Variants in NR2C2 observed in about 807,000 individuals in gnomAD.
NR2C2 encodes Nuclear hormone receptor TR4.
NR2C2 carries 6 observed loss-of-function variants against 62.9 expected under a neutral mutation model. The ratio of observed to expected loss-of-function variants is 0.10; its 90% CI spans 0.05 to 0.19. The LOEUF (loss-of-function observed/expected upper bound fraction) is 0.19, where lower values mean the gene tolerates loss of function less well. NR2C2 is among the 10% of genes least tolerant of loss of function. The pLI, the probability that NR2C2 is intolerant of heterozygous loss-of-function variation, is 1.00. For missense variants in NR2C2, 479 were observed against 762.7 expected, an observed-to-expected ratio of 0.63 and a Z score of 4.38; for synonymous variants, 272 against 273.8, an observed-to-expected ratio of 0.99 and a Z score of 0.07.
At chr3:15,028,439 C>T in intron 7 of NR2C2, 147 bp from the exon 8 acceptor site, 1 of 654,116 alleles carries the variant, frequency 1.5e-6, no homozygotes, top group Non-Finnish European at 2.6e-6. Context: ...TGTTAAATCA[C>T]TAAAAAGATC....
At chr3:15,030,567 C>T in intron 9 of NR2C2, 115 bp downstream of exon 9, 1 of 1,097,122 alleles carries the variant, frequency 9.1e-7, no homozygotes, top group South Asian at 1.9e-5. Context: ...GTGGCTCATG[C>T]CTGTAATCTT....
intron 2 of NR2C2, among the ~76,000 whole-genome samples, chr3:15,010,600 T>C (rs1427517521): frequency 6.6e-6 from 1 of 151,624 alleles, no homozygotes; most frequent in East Asian, 1.9e-4. Context: ...TAGTCCCAGC[T>C]ACTCTGGAGG....
rs1236561255 is a variant in NR2C2 at position 14,947,787 on chromosome 3, GGCTCCCGC to G, written c.-158_-151del. 2 of 148,670 alleles carry G rather than the reference GGCTCCCGC, an allele frequency of 1.3e-5. No individual in the cohort carries two copies. Among genetic ancestry groups the G allele is most frequent in the African/African-American group, 4.9e-5 (2 of 40,730 alleles). 9.2% of individuals were successfully genotyped at this position (148,670 alleles called of 1,614,324 possible). ...CTGCCCCGCGAGCCCGCGGCCCCCG[GGCTCCCGC>G]CATCCGCCGACACCGGGAGCCCGGG... On this transcript the variant is annotated 5_prime_UTR_variant, in exon 1 of 14. Coordinates refer to ENST00000425241, the MANE Select transcript of NR2C2 (RefSeq NM_001291694.2).
intron 1 of NR2C2, among the ~76,000 whole-genome samples, chr3:14,948,898 A>C (rs1337331362): frequency 6.6e-6 from 1 of 151,930 alleles, no homozygotes; most frequent in Non-Finnish European, 1.5e-5. Context: ...GCCAGGCCGG[A>C]CCTCCCTTCT....
chr3:14,994,551 T>C (rs1035494671), intron 1 of NR2C2, among the ~76,000 whole-genome samples: 2 of 150,144 alleles, frequency 1.3e-5, no homozygotes, highest in Admixed American at 6.7e-5. Flanking sequence ...TAAGCGATTC[T>C]TCTGCCTCAG....
intron 1 of NR2C2, among the ~76,000 whole-genome samples, chr3:14,963,441 G>T (rs1482112033): frequency 6.6e-6 from 1 of 152,198 alleles, no homozygotes; most frequent in African/African-American, 2.4e-5. Flanking sequence ...GCAACCAGGA[G>T]CCAAAAGGTT....
chr3:14,965,645 TTTTG>T (rs1243180657), intron 1 of NR2C2, among the ~76,000 whole-genome samples: 8 of 151,374 alleles, frequency 5.3e-5, no homozygotes, highest in South Asian at 2.1e-4. Context: ...TTGCTGTTTT[TTTTG>T]TTTGTTTGTT....
chr3:14,953,892 C>T (rs777808128), intron 1 of NR2C2, among the ~76,000 whole-genome samples: 84 of 131,172 alleles, frequency 6.4e-4, no homozygotes, highest in Admixed American at 1.6e-3. Flanking sequence ...GAGACTTCAT[C>T]TCAAAAAAAA....
At chr3:15,021,986 C>T (rs1347124606) in intron 5 of NR2C2, among the ~76,000 whole-genome samples, 3 of 152,234 alleles carry the variant, frequency 2.0e-5, no homozygotes, top group Non-Finnish European at 4.4e-5. Context: ...TGGTGTGGGA[C>T]TGGCCCACAT....
chr3:15,004,695 A>G, intron 2 of NR2C2: 2 of 1,505,326 alleles, frequency 1.3e-6, no homozygotes. Context: ...TATCTCAACA[A>G]GCTGAATCAA....
At chr3:15,022,398 C>CTTTTT (rs71038450) in intron 5 of NR2C2, among the ~76,000 whole-genome samples, 244 of 89,104 alleles carry the variant, frequency 2.7e-3, no homozygotes, top group Non-Finnish European at 3.9e-3. Flanking sequence ...CTTTTTCTTT[C>CTTTTT]TTTTTTTTTT....
intron 11 of NR2C2, 58 bp from the exon 12 acceptor site, chr3:15,037,938 CAAAT>C (rs748938391): frequency 7.9e-6 from 12 of 1,523,016 alleles, no homozygotes; most frequent in African/African-American, 1.4e-5. Flanking sequence ...TGTGGCCCCT[CAAAT>C]AAGCTGGTTT....
chr3:15,023,107 C>A, intron 5 of NR2C2, 93 bp from the exon 6 acceptor site: 1 of 1,392,146 alleles, frequency 7.2e-7, no homozygotes, highest in Non-Finnish European at 9.9e-7. Flanking sequence ...CCAGAGTCAT[C>A]CTCCCTGCAG....
rs1015074815 is a variant in NR2C2, at chr3:15,049,233, C to G, written c.*6225C>G. The G allele has an allele frequency of 1.3e-5, 2 of 152,642 alleles. No individual in the cohort carries two copies. Among genetic ancestry groups the G allele is most frequent in the Non-Finnish European group, 2.9e-5 (2 of 68,074 alleles). 9.5% of individuals were successfully genotyped at this position (152,642 alleles called of 1,614,324 possible). A position where few individuals can be genotyped will look rare whatever the true frequency, so the allele number is the denominator to read the frequency against. ...TATTGTTGTGGCTTAATACTACTAC[C>G]TAAATGAGGTTTATACTATTAAAAG... On this transcript the variant is annotated 3_prime_UTR_variant, in exon 14 of 14. Coordinates refer to ENST00000425241, the MANE Select transcript of NR2C2 (RefSeq NM_001291694.2).
chr3:15,003,855 C>A, intron 1 of NR2C2, 21 bp from the exon 2 acceptor site: 1 of 1,537,460 alleles, frequency 6.5e-7, no homozygotes, highest in Non-Finnish European at 9.0e-7. Flanking sequence ...CCTTGTGATC[C>A]AGCCCACTTC....
rs1473738836 is a variant in NR2C2 at position 15,016,192 on chromosome 3, A to C, written c.314A>C (p.Lys105Thr). ...DSASVERLLG[K>T]TDVQRPQVVE... ...GCCTCTGTGGAGCGTTTACTGGGGAAGACGGACGTCCAGCGGCCCCAGGTG... is the reference window on the plus strand; with the variant it reads ...GCCTCTGTGGAGCGTTTACTGGGGACGACGGACGTCCAGCGGCCCCAGGTG... The change falls in exon 4 of 14, where the codon AAG becomes ACG. Residue 105 changes from lysine to threonine, a missense_variant. By Grantham distance (78) the Lys-to-Thr change is moderately conservative. Coordinates refer to ENST00000425241, the MANE Select transcript of NR2C2 (RefSeq NM_001291694.2). 6.2e-7 allele frequency: 1 copy of C among 1,614,138 alleles called. No individual in the cohort carries two copies.
chr3:14,972,835 G>A (rs1448212722), intron 1 of NR2C2, among the ~76,000 whole-genome samples: 2 of 152,010 alleles, frequency 1.3e-5, no homozygotes, highest in Non-Finnish European at 2.9e-5. Flanking sequence ...CCAAGAGAGT[G>A]GGGGGAGGTG....
chr3:14,966,380 G>A (rs1361293003), intron 1 of NR2C2, among the ~76,000 whole-genome samples: 2 of 152,194 alleles, frequency 1.3e-5, no homozygotes, highest in South Asian at 2.1e-4. Flanking sequence ...ATTGTGAGCC[G>A]TGAGATCAGA....
chr3:14,968,432 G>A (rs1177836729), intron 1 of NR2C2, among the ~76,000 whole-genome samples: 1 of 152,002 alleles, frequency 6.6e-6, no homozygotes, highest in East Asian at 1.9e-4. Context: ...AAACCACAAT[G>A]AGATACCATC....
Sources: gnomAD v4.1 joint callset for allele counts (sites outside exome capture counted in the v4.1 genomes callset) on GRCh38, gnomAD v4.1.1 for gene constraint, MANE v1.5 for transcripts, NCBI Gene and HGNC (gene_info 2026-07-23, HGNC 2026-07-21) for gene names.